Variants in MESD observed in about 807,000 individuals in gnomAD.
MESD encodes the protein mesoderm development LRP chaperone.
In MESD, 7 loss-of-function variants were observed where a neutral mutation model predicts 12.9. The ratio of observed to expected loss-of-function variants is 0.54; its 90% CI spans 0.31 to 1.02. MESD has a LOEUF of 1.02. Ranked by LOEUF, MESD falls within the 50% of genes least tolerant of loss-of-function variation. The pLI, the probability that MESD is intolerant of heterozygous loss-of-function variation, is 0.05. For missense variants in MESD, 342 were observed against 296.7 expected (o/e 1.15, Z -1.12); for synonymous variants, 126 against 115.6 (o/e 1.09, Z -0.58).
At chr15:80,952,108 T>C (rs1901853039) in exon 4 of MESD, 1 of 449,258 alleles carries the variant, frequency 2.2e-6, no homozygotes, top group Non-Finnish European at 4.5e-6. Context: ...TCAACTCCCC[T>C]CCCCGATGGG....
At chr15:80,949,217 G>C (rs1901711900) in intron 4 of MESD, 1 of 453,858 alleles carries the variant, frequency 2.2e-6, no homozygotes, top group Admixed American at 3.4e-5. Flanking sequence ...GTGGGGGTTT[G>C]GGGACCATAT....
At chr15:80,948,620 C>T in exon 5 of MESD, 1 of 833,174 alleles carries the variant, frequency 1.2e-6, no homozygotes, top group Non-Finnish European at 2.0e-6. Flanking sequence ...CCCATACAAA[C>T]ACATGTCAGG....
At chr15:80,956,789 G>A (rs894898671) in intron 3 of MESD, among the ~76,000 whole-genome samples, 1 of 152,074 alleles carries the variant, frequency 6.6e-6, no homozygotes, top group Non-Finnish European at 1.5e-5. Flanking sequence ...CATGCAGAGG[G>A]GGTGGCTGTG....
chr15:80,956,283 C>A (rs1901982617), intron 3 of MESD, among the ~76,000 whole-genome samples: 1 of 152,220 alleles, frequency 6.6e-6, no homozygotes. Flanking sequence ...GCTATGATGA[C>A]ATGAAGTGTG....
At chr15:80,986,336 G>A (rs1194540343) in intron 1 of MESD, among the ~76,000 whole-genome samples, 2 of 152,114 alleles carry the variant, frequency 1.3e-5, no homozygotes, top group Non-Finnish European at 2.9e-5. Flanking sequence ...ATAAATTCTA[G>A]TGCTCTATAG....
rs370334066 is a variant in MESD at position 80,982,182 on chromosome 15, T to G, written c.214A>C (p.Lys72Gln). 4 of 1,612,704 alleles carry G rather than the reference T, an allele frequency of 2.5e-6. No individual in the cohort carries two copies. The African/African-American group carries it at 5.3e-5, about 22-fold the overall frequency. Residue 72 changes from lysine to glutamine, a missense_variant and splice_region_variant, in exon 2 of 3, where the codon AAA becomes CAA. Lys to Gln is a moderately conservative substitution (Grantham distance 53). Coordinates refer to ENST00000261758, the MANE Select transcript of MESD (RefSeq NM_015154.3). ...TCTCCTTCTTCAATGTCATCATCTT[T>G]CTATCAGATTAGGGGAAAAGCATCA... is the stretch of plus-strand genomic sequence containing the variant. ...DMARLLEQWE[K>Q]DDDIEEGDLP...
intron 3 of MESD, among the ~76,000 whole-genome samples, chr15:80,960,948 G>A (rs1353074734): frequency 6.6e-6 from 1 of 152,152 alleles, no homozygotes; most frequent in Non-Finnish European, 1.5e-5. Flanking sequence ...CCTGGGTTAG[G>A]GAATTCATGC....
chr15:80,958,745 C>T (rs1902032332), intron 3 of MESD, among the ~76,000 whole-genome samples: 1 of 152,184 alleles, frequency 6.6e-6, no homozygotes, highest in Admixed American at 6.5e-5. Flanking sequence ...AGAGGCCTTG[C>T]AATTGCAGCC....
chr15:80,953,770 G>A (rs1461904269), intron 3 of MESD, among the ~76,000 whole-genome samples: 1 of 152,172 alleles, frequency 6.6e-6, no homozygotes, highest in Non-Finnish European at 1.5e-5. Context: ...GAAGGCATGG[G>A]CGTTCACTCA....
rs190714285 is a variant in MESD at position 80,969,957 on chromosome 15, G to A, written c.*288+8974C>T. Among the ~76,000 whole-genome samples the A allele has an allele frequency of 1.3e-4, 20 of 152,320 alleles. No homozygotes were observed. In the East Asian group the frequency reaches 2.9e-3, roughly 22 times the overall value. Reference sequence around the variant, plus strand: ...GCCTCAGTTTCCTTGTGTGCAAAATGGGGATGACAGTATTTACTGCATAGG... The same window carrying A: ...GCCTCAGTTTCCTTGTGTGCAAAATAGGGATGACAGTATTTACTGCATAGG... On this transcript the variant is annotated intron_variant, in intron 3 of 4. Transcript: ENST00000561312.
At chr15:80,974,971 A>C (rs1902373479), downstream of MESD, among the ~76,000 whole-genome samples, 1 of 151,804 alleles carries the variant, frequency 6.6e-6, no homozygotes, top group African/African-American at 2.4e-5. Flanking sequence ...AAAATCCCCC[A>C]AAACAAACAA....
chr15:80,987,737 C>G (rs1454040282), intron 1 of MESD, among the ~76,000 whole-genome samples: 1 of 152,172 alleles, frequency 6.6e-6, no homozygotes, highest in Non-Finnish European at 1.5e-5. Context: ...GATGCACCCG[C>G]CTTTGCCTCC....
downstream of MESD, among the ~76,000 whole-genome samples, chr15:80,973,201 A>G (rs1487714202): frequency 6.6e-6 from 1 of 152,204 alleles, no homozygotes; most frequent in East Asian, 1.9e-4. Context: ...GGACGGTGTG[A>G]TGGTAAATGA....
rs898835852 is a variant in MESD at position 80,979,478 on chromosome 15, C to A, written c.447-1G>T. 3 of 1,612,684 alleles carry A rather than the reference C, an allele frequency of 1.9e-6. No homozygotes were observed. In the African/African-American group the frequency reaches 4.0e-5, roughly 22 times the overall value. On this transcript the variant is annotated splice_acceptor_variant, in intron 2 of 2. Transcript: ENST00000261758. LOFTEE classifies it high-confidence loss of function. ...AGCACGGTCTGATCCCACAATGAAC[C>A]TTGGGCAGAGAGATGCAATCAGTCA...
intron 1 of MESD, among the ~76,000 whole-genome samples, chr15:80,983,205 T>C (rs1049941023): frequency 5.9e-5 from 9 of 151,566 alleles, no homozygotes; most frequent in African/African-American, 2.2e-4. Context: ...ATTATGCCAC[T>C]GCATTCCAGC....
chr15:80,966,887 ACTC>A (rs1391943387), intron 3 of MESD, among the ~76,000 whole-genome samples: 1 of 151,830 alleles, frequency 6.6e-6, no homozygotes, highest in Non-Finnish European at 1.5e-5. Context: ...GAAGTGGCCA[ACTC>A]CTCCTTATTG....
chr15:80,948,891 G>A, exon 5 of MESD: 1 of 1,614,224 alleles, frequency 6.2e-7, no homozygotes, highest in Non-Finnish European at 8.5e-7. Flanking sequence ...TCCAAGTTGT[G>A]CCCATCCCTG....
At chr15:80,984,609 CAG>C (rs1467051560) in intron 1 of MESD, among the ~76,000 whole-genome samples, 4 of 152,224 alleles carry the variant, frequency 2.6e-5, no homozygotes, top group South Asian at 4.1e-4. Context: ...TGGGAGAACA[CAG>C]GGGAGGAGTG....
chr15:80,971,769 C>T (rs139479306), downstream of MESD, among the ~76,000 whole-genome samples: 147 of 151,906 alleles, frequency 9.7e-4, 3 homozygotes, highest in South Asian at 0.013. Context: ...TGGGACTAAA[C>T]AATAATCAGG....
Sources: gnomAD v4.1 joint callset for allele counts (sites outside exome capture counted in the v4.1 genomes callset) on GRCh38, gnomAD v4.1.1 for gene constraint, MANE v1.5 for transcripts, NCBI Gene and HGNC (gene_info 2026-07-23, HGNC 2026-07-21) for gene names.